The following APBB1IP variants were observed in gnomAD, a reference collection of about 807,000 sequenced individuals.
APBB1IP encodes the protein amyloid beta A4 precursor protein-binding family B member 1-interacting protein.
Under a neutral mutation model 64.9 loss-of-function variants are expected in APBB1IP, and 27 were observed. The ratio of observed to expected loss-of-function variants is 0.42; its 90% CI spans 0.31 to 0.57. APBB1IP has a LOEUF of 0.57. APBB1IP is among the 20% of genes least tolerant of loss of function. APBB1IP has a pLI of 0.20. For synonymous variants in APBB1IP, 392 were observed against 331.0 expected (o/e 1.18, Z -2.00); for missense variants, 812 against 845.5 (o/e 0.96, Z 0.49).
At chr10:26,439,902 C>T (rs575159474) in intron 2 of APBB1IP, among the ~76,000 whole-genome samples, 17 of 152,260 alleles carry the variant, frequency 1.1e-4, no homozygotes, top group African/African-American at 4.1e-4. Context: ...CCTAGAGCAG[C>T]GATTTTCCCT....
intron 8 of APBB1IP, among the ~76,000 whole-genome samples, chr10:26,521,089 C>T (rs1836395725): frequency 6.6e-6 from 1 of 152,226 alleles, no homozygotes; most frequent in Non-Finnish European, 1.5e-5. Flanking sequence ...TTAATGGATT[C>T]TTCTGATGGC....
intron 3 of APBB1IP, among the ~76,000 whole-genome samples, chr10:26,495,706 T>G (rs934888286): frequency 3.3e-5 from 5 of 151,134 alleles, no homozygotes; most frequent in African/African-American, 1.2e-4. Flanking sequence ...TTCTTTGTTG[T>G]GGCCAAGTGG....
At chr10:26,541,556 G>A in intron 10 of APBB1IP, 26 bp from the exon 11 acceptor site, 1 of 1,523,176 alleles carries the variant, frequency 6.6e-7, no homozygotes. Context: ...CTCAGTTGAA[G>A]TTTTATTTTT....
chr10:26,511,781 C>G lies in APBB1IP; in HGVS notation c.566C>G (p.Thr189Arg). 1.2e-6 allele frequency: 2 copies of G among 1,614,152 alleles called. No homozygotes were observed. The highest frequency in any genetic ancestry group is 1.7e-6 in the Non-Finnish European group (2 of 1,180,030). Residue 189 changes from threonine (T) to arginine (R), a missense_variant, in exon 7 of 15, where the codon ACA becomes AGA. This residue lies in a region of APBB1IP where 394 missense variants were observed against 413.1 expected (regional missense o/e 0.95). Coordinates refer to ENST00000376236, the MANE Select transcript of APBB1IP (RefSeq NM_019043.4). ...VVKVHMNDNS[T>R]KSLMVDERQL... is the part of the protein sequence containing the mutation. ...AAGGTGCACATGAATGATAACAGCA[C>G]AAAGTCACTGATGGTGGATGAGCGG...
intron 11 of APBB1IP, among the ~76,000 whole-genome samples, chr10:26,559,074 C>G (rs915358387): frequency 4.6e-5 from 7 of 152,266 alleles, no homozygotes; most frequent in Non-Finnish European, 1.0e-4. Flanking sequence ...ACCCTAGAAC[C>G]AGGTTTTGGG....
chr10:26,527,623 T>A (rs1325950273), intron 8 of APBB1IP, among the ~76,000 whole-genome samples: 3 of 150,726 alleles, frequency 2.0e-5, no homozygotes, highest in African/African-American at 7.3e-5. Context: ...CTCCAGGGTC[T>A]GCAGGCTCCC....
At chr10:26,528,371 T>C (rs1325806522) in intron 8 of APBB1IP, among the ~76,000 whole-genome samples, 3 of 152,146 alleles carry the variant, frequency 2.0e-5, no homozygotes, top group Non-Finnish European at 2.9e-5. Flanking sequence ...CTTGTTCTCC[T>C]CCCTGGAAAT....
At chr10:26,530,467 A>G (rs1836537220) in intron 8 of APBB1IP, among the ~76,000 whole-genome samples, 1 of 152,000 alleles carries the variant, frequency 6.6e-6, no homozygotes, top group African/African-American at 2.4e-5. Context: ...CGAGGCGGGC[A>G]GATCACAAGG....
intron 2 of APBB1IP, among the ~76,000 whole-genome samples, chr10:26,447,532 G>A (rs1021403844): frequency 2.0e-5 from 3 of 152,100 alleles, no homozygotes; most frequent in African/African-American, 7.2e-5. Flanking sequence ...AACATAGAAT[G>A]AGTAATATTC....
intron 3 of APBB1IP, 88 bp downstream of exon 3, chr10:26,492,486 T>C (rs1319269166): frequency 8.0e-7 from 1 of 1,254,014 alleles, no homozygotes; most frequent in Non-Finnish European, 1.1e-6. Flanking sequence ...CTGTCTTTTT[T>C]AAAACCCTGA....
At chr10:26,465,258 G>A (rs1835635286) in intron 2 of APBB1IP, among the ~76,000 whole-genome samples, 1 of 152,192 alleles carries the variant, frequency 6.6e-6, no homozygotes, top group Admixed American at 6.5e-5. Context: ...CATAAAATGT[G>A]ATCAGATGTC....
intron 8 of APBB1IP, among the ~76,000 whole-genome samples, chr10:26,528,893 C>T (rs1363368211): frequency 1.2e-4 from 18 of 152,262 alleles, no homozygotes; most frequent in African/African-American, 3.4e-4. Context: ...ACCATGATCA[C>T]GCCACTGCAC....
At chr10:26,540,303 G>A (rs769175849) in intron 10 of APBB1IP, among the ~76,000 whole-genome samples, 8 of 152,108 alleles carry the variant, frequency 5.3e-5, no homozygotes, top group Non-Finnish European at 7.4e-5. Context: ...GGCGAGGGGC[G>A]GTGGCTCACT....
At chr10:26,483,887 A>AT (rs965204373) in intron 2 of APBB1IP, among the ~76,000 whole-genome samples, 1 of 151,848 alleles carries the variant, frequency 6.6e-6, no homozygotes, top group Non-Finnish European at 1.5e-5. Context: ...TAATTTTTTT[A>AT]TTTTTTGTAG....
intron 2 of APBB1IP, among the ~76,000 whole-genome samples, chr10:26,475,207 C>G (rs1301465291): frequency 6.6e-6 from 1 of 151,554 alleles, no homozygotes; most frequent in African/African-American, 2.4e-5. Flanking sequence ...ACTGCAACCT[C>G]CGCCTCCCAG....
intron 2 of APBB1IP, among the ~76,000 whole-genome samples, chr10:26,454,524 T>C (rs866843126): frequency 6.8e-6 from 1 of 147,884 alleles, no homozygotes; most frequent in African/African-American, 2.6e-5. Flanking sequence ...ATAAAAACAA[T>C]TGAACTCATG....
intron 5 of APBB1IP, 113 bp downstream of exon 5, chr10:26,501,224 C>G (rs768985805): frequency 2.5e-5 from 37 of 1,480,708 alleles, no homozygotes; most frequent in Non-Finnish European, 3.2e-5. Flanking sequence ...ATCTGAGATA[C>G]TAAAAAACAA....
chr10:26,546,358 G>T (rs1214789412), intron 11 of APBB1IP, among the ~76,000 whole-genome samples: 1 of 152,046 alleles, frequency 6.6e-6, no homozygotes, highest in Non-Finnish European at 1.5e-5. Context: ...GGCCCCCAGG[G>T]TTTTTGATTT....
intron 2 of APBB1IP, among the ~76,000 whole-genome samples, chr10:26,444,249 T>C (rs191130464): frequency 6.6e-6 from 1 of 151,832 alleles, no homozygotes; most frequent in Non-Finnish European, 1.5e-5. Context: ...GAAACAGATG[T>C]GGTTGGAGAA....
Sources: allele counts gnomAD v4.1 joint callset (sites outside exome capture counted in the v4.1 genomes callset), GRCh38; gene constraint gnomAD v4.1.1; regional missense constraint gnomAD v4.1.1; transcripts MANE v1.5; gene names NCBI Gene and HGNC (gene_info 2026-07-23, HGNC 2026-07-21).